CACNA2D1: variants seen among roughly 807,000 people sequenced by gnomAD.
CACNA2D1 encodes calcium voltage-gated channel auxiliary subunit alpha2delta 1, also known as voltage-dependent calcium channel subunit alpha-2/delta-1.
CACNA2D1 carries 53 observed loss-of-function variants against 171.5 expected under a neutral mutation model. The observed-to-expected ratio is 0.31, with a 90% CI of 0.25 to 0.39. CACNA2D1 has a LOEUF of 0.39. Ranked by LOEUF, CACNA2D1 falls within the 10% of genes least tolerant of loss-of-function variation. The pLI is 1.00. For synonymous variants in CACNA2D1, 442 were observed against 443.1 expected (o/e 1.00, Z 0.03); for missense variants, 903 against 1,299.8 (o/e 0.69, Z 4.69).
intron 3 of CACNA2D1, among the ~76,000 whole-genome samples, chr7:82,196,030 G>A (rs1859541): frequency 0.17 from 25,569 of 151,086 alleles, 3,701 homozygotes; most frequent in African/African-American, 0.39. Flanking sequence ...TACTCAGTGA[G>A]CCTGTCCATA....
chr7:82,288,381 G>A (rs1811096493), intron 3 of CACNA2D1, among the ~76,000 whole-genome samples: 1 of 151,282 alleles, frequency 6.6e-6, no homozygotes, highest in African/African-American at 2.4e-5. Context: ...AGGGACTATA[G>A]AAGGAGCACT....
intron 4 of CACNA2D1, among the ~76,000 whole-genome samples, chr7:82,162,169 T>C (rs1795008276): frequency 6.6e-6 from 1 of 151,988 alleles, no homozygotes; most frequent in Non-Finnish European, 1.5e-5. Context: ...TAAAGTCAAA[T>C]TGGAGTGGGC....
chr7:82,378,375 G>A (rs1433617985), intron 1 of CACNA2D1, among the ~76,000 whole-genome samples: 1 of 152,136 alleles, frequency 6.6e-6, no homozygotes, highest in African/African-American at 2.4e-5. Context: ...CTTCAGCCTG[G>A]GTGGCAGAGC....
chr7:82,200,555 T>C (rs1431661746), intron 3 of CACNA2D1, among the ~76,000 whole-genome samples: 1 of 152,208 alleles, frequency 6.6e-6, no homozygotes, highest in African/African-American at 2.4e-5. Context: ...ATTAGTTGTA[T>C]GTTTTTGAAT....
intron 4 of CACNA2D1, among the ~76,000 whole-genome samples, chr7:82,139,578 A>G (rs258710): frequency 0.11 from 16,272 of 152,148 alleles, 1,096 homozygotes; most frequent in Middle Eastern, 0.24. Flanking sequence ...TAAAACTGTC[A>G]TTGAAAAGGT....
intron 3 of CACNA2D1, among the ~76,000 whole-genome samples, chr7:82,237,260 C>T (rs1365700863): frequency 7.6e-6 from 1 of 131,130 alleles, no homozygotes; most frequent in Non-Finnish European, 1.9e-5. Flanking sequence ...TAATCATTTT[C>T]CCCCTGACAT....
chr7:82,133,056 T>G (rs1791185960), intron 5 of CACNA2D1, among the ~76,000 whole-genome samples: 1 of 152,220 alleles, frequency 6.6e-6, no homozygotes, highest in African/African-American at 2.4e-5. Flanking sequence ...TTTTATTTTA[T>G]AAAGCATTCT....
At chr7:82,224,519 G>C (rs375845874) in intron 3 of CACNA2D1, among the ~76,000 whole-genome samples, 3 of 152,108 alleles carry the variant, frequency 2.0e-5, no homozygotes, top group East Asian at 3.9e-4. Flanking sequence ...GGAGGCGGGG[G>C]TTGCAGTGAG....
intron 3 of CACNA2D1, among the ~76,000 whole-genome samples, chr7:82,224,809 G>A (rs1314987582): frequency 1.3e-5 from 2 of 152,058 alleles, no homozygotes; most frequent in African/African-American, 2.4e-5. Flanking sequence ...GATGACAGAT[G>A]AAATTTCTGC....
intron 1 of CACNA2D1, among the ~76,000 whole-genome samples, chr7:82,432,196 T>C (rs1177689092): frequency 6.6e-6 from 1 of 152,098 alleles, no homozygotes; most frequent in Non-Finnish European, 1.5e-5. Flanking sequence ...CAAAATTAGT[T>C]CAAACTGTGA....
In CACNA2D1 at chr7:82,295,872, A is replaced by G. The variant is rs559102389; in HGVS notation, c.294+39263T>C. On this transcript the variant is annotated intron_variant, in intron 3 of 38. Coordinates refer to ENST00000356860, the MANE Select transcript of CACNA2D1 (RefSeq NM_000722.4). ...TTGGAACCAACCCAAATGTCCAACAATGATAGACTGGATTAAGAAAATGTG... is the reference window on the plus strand; with the variant it reads ...TTGGAACCAACCCAAATGTCCAACAGTGATAGACTGGATTAAGAAAATGTG... Among the ~76,000 whole-genome samples, 6 of 152,194 alleles carry G rather than the reference A, an allele frequency of 3.9e-5. No homozygotes were observed. In the East Asian group the frequency reaches 1.2e-3, roughly 29 times the overall value.
At chr7:82,013,044 G>A (rs1177322424) in intron 14 of CACNA2D1, among the ~76,000 whole-genome samples, 5 of 151,878 alleles carry the variant, frequency 3.3e-5, no homozygotes, top group African/African-American at 7.3e-5. Context: ...TTATTTGGGA[G>A]GTATTTAAGT....
At chr7:82,157,123 T>C (rs894885991) in intron 4 of CACNA2D1, among the ~76,000 whole-genome samples, 1 of 152,096 alleles carries the variant, frequency 6.6e-6, no homozygotes, top group Non-Finnish European at 1.5e-5. Flanking sequence ...AAGCAATGCT[T>C]TTGTAGCTAG....
At chr7:82,007,801 TAAG>T (rs1562860350) in intron 15 of CACNA2D1, 45 bp from the exon 16 acceptor site, 1 of 1,153,790 alleles carries the variant, frequency 8.7e-7, no homozygotes, top group Non-Finnish European at 1.3e-6. Context: ...AATTACAATT[TAAG>T]CTTTGTCAGA....
intron 15 of CACNA2D1, among the ~76,000 whole-genome samples, chr7:82,008,044 G>T (rs187416226): frequency 9.8e-4 from 149 of 152,238 alleles, no homozygotes; most frequent in African/African-American, 3.4e-3. Flanking sequence ...TCAACAGCCT[G>T]TATGCATTTC....
intron 3 of CACNA2D1, among the ~76,000 whole-genome samples, chr7:82,210,600 G>A (rs969479652): frequency 6.6e-6 from 1 of 152,134 alleles, no homozygotes; most frequent in African/African-American, 2.4e-5. Flanking sequence ...TGGGTAAAAG[G>A]GAGACAACCA....
At chr7:81,959,238 T>G (rs748774820) in intron 38 of CACNA2D1, 37 bp downstream of exon 38, 1 of 1,372,926 alleles carries the variant, frequency 7.3e-7, no homozygotes, top group Admixed American at 1.7e-5. Context: ...TGACCATTAA[T>G]TTATAGTATT....
intron 5 of CACNA2D1, among the ~76,000 whole-genome samples, chr7:82,133,766 C>G (rs1159147579): frequency 6.6e-6 from 1 of 152,060 alleles, no homozygotes; most frequent in African/African-American, 2.4e-5. Context: ...CACTTAATAA[C>G]TTGTGTACTT....
intron 4 of CACNA2D1, among the ~76,000 whole-genome samples, chr7:82,153,603 A>ATT (rs1794069568): frequency 6.6e-6 from 1 of 152,140 alleles, no homozygotes. Flanking sequence ...ATATAAATTT[A>ATT]TTTGTGACAA....
Sources: allele counts gnomAD v4.1 joint callset (sites outside exome capture counted in the v4.1 genomes callset), GRCh38; gene constraint gnomAD v4.1.1; transcripts MANE v1.5; gene names NCBI Gene and HGNC (gene_info 2026-07-23, HGNC 2026-07-21).